The following NEDD4L variants were observed in gnomAD, a reference collection of about 807,000 sequenced individuals.
NEDD4L encodes the protein E3 ubiquitin-protein ligase NEDD4-like.
A neutral mutation model predicts 148.9 loss-of-function variants in NEDD4L; 54 were observed. That is an observed-to-expected ratio of 0.36 (90% CI 0.29 to 0.45). The LOEUF (loss-of-function observed/expected upper bound fraction) is 0.45, where lower values mean the gene tolerates loss of function less well. Ranked by LOEUF, NEDD4L falls within the 20% of genes least tolerant of loss-of-function variation. NEDD4L has a pLI of 1.00. For missense variants in NEDD4L, 856 were observed against 1,233.8 expected (o/e 0.69, Z 4.59); for synonymous variants, 433 against 440.7 (o/e 0.98, Z 0.22).
intron 5 of NEDD4L, among the ~76,000 whole-genome samples, chr18:58,260,695 AC>A (rs1568502010): frequency 6.6e-6 from 1 of 152,244 alleles, no homozygotes; most frequent in Non-Finnish European, 1.5e-5. Flanking sequence ...GTATATTTGC[AC>A]AATTAAAAAG....
At chr18:58,140,384 G>A (rs564979247) in intron 1 of NEDD4L, among the ~76,000 whole-genome samples, 43 of 152,326 alleles carry the variant, frequency 2.8e-4, no homozygotes, top group Non-Finnish European at 5.0e-4. Context: ...GTGTTCCCTT[G>A]TCATTTTATA....
intron 5 of NEDD4L, among the ~76,000 whole-genome samples, chr18:58,301,998 TAAGAACTTCAGCATA>T (rs1453570758): frequency 6.6e-6 from 1 of 152,202 alleles, no homozygotes; most frequent in Admixed American, 6.5e-5. Flanking sequence ...GGGGATTCAC[TAAGAACTTCAGCATA>T]GTGAGAGAAT....
chr18:58,203,092 T>C (rs925814985), intron 2 of NEDD4L, among the ~76,000 whole-genome samples: 6 of 152,084 alleles, frequency 3.9e-5, no homozygotes, highest in African/African-American at 1.4e-4. Flanking sequence ...CTTAACCTCC[T>C]GAGTAGCTGG....
At chr18:58,243,508 T>C (rs904821408) in intron 2 of NEDD4L, among the ~76,000 whole-genome samples, 10 of 152,212 alleles carry the variant, frequency 6.6e-5, no homozygotes, top group African/African-American at 1.9e-4. Context: ...CTACCCCGGA[T>C]TGAATTCAGA....
chr18:58,390,875 CATGAAAGTTCA>C (rs2049730731), intron 29 of NEDD4L, 133 bp downstream of exon 29: 2 of 687,274 alleles, frequency 2.9e-6, no homozygotes, highest in Non-Finnish European at 5.4e-6. Flanking sequence ...GCATAGGTTC[CATGAAAGTTCA>C]ATGAAAGTAC....
At chr18:58,280,661 G>A (rs187479701) in intron 5 of NEDD4L, among the ~76,000 whole-genome samples, 33 of 152,242 alleles carry the variant, frequency 2.2e-4, no homozygotes, top group African/African-American at 7.7e-4. Flanking sequence ...TGAGGGGCAG[G>A]GAAGCAGTAT....
chr18:58,292,109 C>T (rs558305823), intron 5 of NEDD4L, among the ~76,000 whole-genome samples: 16 of 150,514 alleles, frequency 1.1e-4, no homozygotes, highest in African/African-American at 3.7e-4. Context: ...AGCACTCAAA[C>T]GCACAGCTTT....
At chr18:58,331,055 C>G (rs1483343617) in intron 11 of NEDD4L, 141 bp downstream of exon 11, 1 of 778,482 alleles carries the variant, frequency 1.3e-6, no homozygotes, top group Non-Finnish European at 2.0e-6. Flanking sequence ...GTTCCTCCTT[C>G]CCTAGGAGAA....
intron 2 of NEDD4L, among the ~76,000 whole-genome samples, chr18:58,195,194 C>G (rs1300890209): frequency 2.0e-5 from 3 of 152,188 alleles, no homozygotes; most frequent in Admixed American, 6.5e-5. Flanking sequence ...GAGAGGGATC[C>G]CTGAGGCTCC....
intron 18 of NEDD4L, chr18:58,351,297 AT>A (rs2043850179): frequency 2.6e-6 from 1 of 387,756 alleles, no homozygotes; most frequent in South Asian, 1.0e-4. Flanking sequence ...TTGTTGTTGA[AT>A]TTTTAAACCA....
intron 1 of NEDD4L, among the ~76,000 whole-genome samples, chr18:58,078,468 G>A (rs1360523493): frequency 6.6e-6 from 1 of 152,170 alleles, no homozygotes; most frequent in African/African-American, 2.4e-5. Flanking sequence ...AGCTGGGTGA[G>A]GGGGGACCGC....
chr18:58,379,759 C>T (rs2146574867), intron 24 of NEDD4L, among the ~76,000 whole-genome samples: 1 of 152,334 alleles, frequency 6.6e-6, no homozygotes, highest in South Asian at 2.1e-4. Context: ...GTCATTGCTT[C>T]TCATGAAAGT....
intron 13 of NEDD4L, among the ~76,000 whole-genome samples, chr18:58,337,113 C>A (rs2041875762): frequency 6.6e-6 from 1 of 152,106 alleles, no homozygotes; most frequent in African/African-American, 2.4e-5. Context: ...AAGGTGACCC[C>A]TCTGAATGAG....
intron 2 of NEDD4L, among the ~76,000 whole-genome samples, chr18:58,227,549 C>T (rs888892371): frequency 1.3e-5 from 2 of 152,160 alleles, no homozygotes; most frequent in Admixed American, 6.5e-5. Context: ...AATTACCAGA[C>T]GTCCCTGCAT....
At chr18:58,144,354 A>G (rs1487170643) in intron 1 of NEDD4L, among the ~76,000 whole-genome samples, 1 of 152,050 alleles carries the variant, frequency 6.6e-6, no homozygotes, top group Non-Finnish European at 1.5e-5. Context: ...TGGCCAGAGC[A>G]GGAGCAAGGG....
Position 58,115,436 on chromosome 18 carries a change from T to C in NEDD4L, c.49-50352T>C, listed in dbSNP as rs76608701. Among the ~76,000 whole-genome samples the C allele has an allele frequency of 3.3e-5, 5 of 152,126 alleles. No homozygotes were observed. In the East Asian group the frequency reaches 9.6e-4, roughly 29 times the overall value. On this transcript the variant is annotated intron_variant, in intron 1 of 30. Transcript: ENST00000400345. ...TGTTTAGGAAACATAGGAGGTTAGT[T>C]GCATTTTCCTCATTAATGCAGGATA...
rs1601575501 is a variant in NEDD4L at position 58,349,575 on chromosome 18, A to G, written c.1614A>G (p.Ser538=). ...PRLKFPVHMR[S]KTSLNPNDLG... Reference sequence around the variant, plus strand: ...TGAAATTTCCAGTACATATGCGGTCAAAGACATCTTTAAACCCCAATGACC... The same window carrying G: ...TGAAATTTCCAGTACATATGCGGTCGAAGACATCTTTAAACCCCAATGACC... Residue 538 remains serine, a synonymous_variant, in exon 17 of 31, where the codon TCA becomes TCG. Coordinates refer to ENST00000400345, the MANE Select transcript of NEDD4L (RefSeq NM_001144967.3). 6.2e-7 allele frequency: 1 copy of G among 1,614,042 alleles called. No homozygotes were observed. The highest frequency in any genetic ancestry group is 1.6e-4 in the Middle Eastern group (1 of 6,062).
chr18:58,370,566 G>C, intron 23 of NEDD4L, 99 bp downstream of exon 23: 1 of 772,472 alleles, frequency 1.3e-6, no homozygotes, highest in East Asian at 2.5e-5. Flanking sequence ...ACTTTTATGG[G>C]TGTTGCATTC....
In NEDD4L at chr18:58,170,078, G is replaced by T. The variant is rs139280779; in HGVS notation, c.122+4217G>T. ...GGAAGTATTTACCAACAGATTGCAT[G>T]AAGTGAGCCCGTTCTTCCTCCCTCT... On this transcript the variant is annotated intron_variant, in intron 2 of 30. Transcript: ENST00000400345. 2.4e-3 allele frequency among the ~76,000 whole-genome samples: 373 copies of T among 152,250 alleles called. 2 individuals are homozygous for T. The highest frequency in any genetic ancestry group is 8.8e-3 in the African/African-American group (365 of 41,544).
Sources: allele counts gnomAD v4.1 joint callset (sites outside exome capture counted in the v4.1 genomes callset), GRCh38; gene constraint gnomAD v4.1.1; transcripts MANE v1.5; gene names NCBI Gene and HGNC (gene_info 2026-07-23, HGNC 2026-07-21).